The following ADARB2 variants were observed in gnomAD, a reference collection of about 807,000 sequenced individuals.
The protein encoded by ADARB2 is adenosine deaminase RNA specific B2 (inactive).
Under a neutral mutation model 62.2 loss-of-function variants are expected in ADARB2, and 25 were observed. The observed-to-expected ratio is 0.40, with a 90% CI of 0.29 to 0.56. ADARB2 has a LOEUF of 0.56. ADARB2 is among the 20% of genes least tolerant of loss of function. The pLI is 0.43. For missense variants in ADARB2, 1,071 were observed against 1,077.4 expected, an observed-to-expected ratio of 0.99 and a Z score of 0.08; for synonymous variants, 572 against 500.8, an observed-to-expected ratio of 1.14 and a Z score of -1.90.
chr10:1,463,504 G>A (rs966583234), intron 1 of ADARB2, among the ~76,000 whole-genome samples: 4 of 152,182 alleles, frequency 2.6e-5, no homozygotes, highest in South Asian at 2.1e-4. Context: ...TAAGAAGCGC[G>A]CGTATTCATC....
intron 1 of ADARB2, among the ~76,000 whole-genome samples, chr10:1,598,920 C>T (rs1044602313): frequency 2.6e-5 from 4 of 152,178 alleles, no homozygotes; most frequent in Non-Finnish European, 4.4e-5. Flanking sequence ...GGTTCCCAAC[C>T]GGAAGCCCAG....
intron 2 of ADARB2, among the ~76,000 whole-genome samples, chr10:1,371,825 G>C (rs907165811): frequency 1.3e-5 from 2 of 150,034 alleles, no homozygotes; most frequent in Non-Finnish European, 3.0e-5. Context: ...TGTTTGTGTG[G>C]ATGCAGAGAA....
chr10:1,375,102 C>G (rs1164369871), intron 2 of ADARB2, among the ~76,000 whole-genome samples: 1 of 152,150 alleles, frequency 6.6e-6, no homozygotes, highest in African/African-American at 2.4e-5. Context: ...GCATGGGACT[C>G]AGGAAGGAGC....
At chr10:1,675,457 T>C (rs1588348325) in intron 1 of ADARB2, 1 of 975,594 alleles carries the variant, frequency 1.0e-6, no homozygotes. Flanking sequence ...GGTGCATGGA[T>C]GTTCTGGAGG....
chr10:1,508,179 T>G (rs748121507), intron 1 of ADARB2, among the ~76,000 whole-genome samples: 22 of 152,144 alleles, frequency 1.4e-4, no homozygotes, highest in Non-Finnish European at 2.5e-4. Flanking sequence ...ATGAATAGGA[T>G]GCGTTTGAGG....
chr10:1,565,319 A>T (rs1834036601), intron 1 of ADARB2, among the ~76,000 whole-genome samples: 1 of 152,220 alleles, frequency 6.6e-6, no homozygotes, highest in East Asian at 1.9e-4. Context: ...AGGAAAAATC[A>T]TTGCCTGCAA....
At chr10:1,431,275 T>C (rs1253324344) in intron 1 of ADARB2, among the ~76,000 whole-genome samples, 1 of 152,052 alleles carries the variant, frequency 6.6e-6, no homozygotes, top group Non-Finnish European at 1.5e-5. Flanking sequence ...AAATCAATAA[T>C]AGAAAGACAA....
intron 1 of ADARB2, among the ~76,000 whole-genome samples, chr10:1,463,735 A>G (rs1831207221): frequency 6.6e-6 from 1 of 152,110 alleles, no homozygotes; most frequent in African/African-American, 2.4e-5. Flanking sequence ...TGCACTAAGA[A>G]TGAAAAGAGA....
At chr10:1,401,161 TCC>T (rs1832658301) in intron 1 of ADARB2, among the ~76,000 whole-genome samples, 1 of 151,990 alleles carries the variant, frequency 6.6e-6, no homozygotes, top group African/African-American at 2.4e-5. Flanking sequence ...AGCGTCACCC[TCC>T]CCACCTCCCG....
chr10:1,367,303 A>G (rs1365186214), intron 2 of ADARB2, among the ~76,000 whole-genome samples: 1 of 152,218 alleles, frequency 6.6e-6, no homozygotes, highest in African/African-American at 2.4e-5. Context: ...TCTGTTTGCT[A>G]AAATCTCTAT....
At chr10:1,341,105 G>A (rs1339785563) in intron 3 of ADARB2, among the ~76,000 whole-genome samples, 6 of 149,530 alleles carry the variant, frequency 4.0e-5, no homozygotes, top group Non-Finnish European at 4.4e-5. Context: ...GTCCTACAGT[G>A]GTGATAATCA....
rs34606606 is a variant in ADARB2, at chr10:1,529,190, G to A, written c.101-150030C>T. 3.2e-5 allele frequency among the ~76,000 whole-genome samples: 2 copies of A among 62,010 alleles called. 1 individual carries two copies. The highest frequency in any genetic ancestry group is 1.7e-3 in the East Asian group (2 of 1,184). The allele number at this position is 62,010 out of a possible 152,430, so 40.7% of individuals were successfully genotyped here. On this transcript the variant is annotated intron_variant, in intron 1 of 9. Coordinates refer to ENST00000381312, the MANE Select transcript of ADARB2 (RefSeq NM_018702.4). ...ATCCTCCAATCAGTCCACGCACCAT[G>A]CCCAACACCAATCCTCCAATCAGTC... is the stretch of plus-strand genomic sequence containing the variant.
chr10:1,418,429 C>A (rs946698943), intron 1 of ADARB2, among the ~76,000 whole-genome samples: 6 of 152,164 alleles, frequency 3.9e-5, no homozygotes, highest in African/African-American at 1.2e-4. Flanking sequence ...CACGGGGGAG[C>A]CTTGTTGTAT....
At chr10:1,711,680 T>C (rs975861554) in intron 1 of ADARB2, among the ~76,000 whole-genome samples, 13 of 152,180 alleles carry the variant, frequency 8.5e-5, no homozygotes, top group African/African-American at 3.1e-4. Context: ...TTCCAACAAA[T>C]AGGAGTTACA....
intron 1 of ADARB2, among the ~76,000 whole-genome samples, chr10:1,570,935 G>T (rs773459060): frequency 2.0e-5 from 3 of 152,276 alleles, no homozygotes; most frequent in Non-Finnish European, 2.9e-5. Flanking sequence ...TGAGAGCACA[G>T]TCTGGCCAAT....
At chr10:1,275,515 C>CT (rs11447456) in intron 3 of ADARB2, among the ~76,000 whole-genome samples, 41,634 of 151,004 alleles carry the variant, frequency 0.28, 6,723 homozygotes, top group South Asian at 0.52. Flanking sequence ...TCCTTCTTTT[C>CT]TTTTTTTTTA....
chr10:1,612,298 C>A (rs951454600), intron 1 of ADARB2, among the ~76,000 whole-genome samples: 3 of 152,196 alleles, frequency 2.0e-5, no homozygotes, highest in South Asian at 4.1e-4. Context: ...AAATAGAACA[C>A]GGGAAGCCAG....
intron 3 of ADARB2, among the ~76,000 whole-genome samples, chr10:1,298,191 G>A (rs757509890): frequency 3.9e-5 from 6 of 152,180 alleles, no homozygotes; most frequent in Non-Finnish European, 5.9e-5. Context: ...CTGTCATTCC[G>A]GGAGACTAAA....
At chr10:1,619,348 A>T (rs1833682051) in intron 1 of ADARB2, among the ~76,000 whole-genome samples, 1 of 152,090 alleles carries the variant, frequency 6.6e-6, no homozygotes, top group African/African-American at 2.4e-5. Context: ...AAAAAACTAC[A>T]TTTGCTGTAT....
Sources: gnomAD v4.1 joint callset for allele counts (sites outside exome capture counted in the v4.1 genomes callset) on GRCh38, gnomAD v4.1.1 for gene constraint, MANE v1.5 for transcripts, NCBI Gene and HGNC (gene_info 2026-07-23, HGNC 2026-07-21) for gene names.